NPAS3: variants seen among roughly 807,000 people sequenced by gnomAD.
NPAS3 encodes the protein neuronal PAS domain-containing protein 3.
A neutral mutation model predicts 73.1 loss-of-function variants in NPAS3; 14 were observed. That is an observed-to-expected ratio of 0.19 (90% CI 0.13 to 0.30). The LOEUF is 0.30. NPAS3 is among the 10% of genes least tolerant of loss of function. NPAS3 has a pLI of 1.00. For synonymous variants in NPAS3, 620 were observed against 541.5 expected (o/e 1.14, Z -2.01); for missense variants, 1,096 against 1,250.0 (o/e 0.88, Z 1.86).
At chr14:33,168,620 G>GT (rs1184977197) in intron 2 of NPAS3, among the ~76,000 whole-genome samples, 1 of 152,160 alleles carries the variant, frequency 6.6e-6, no homozygotes, top group East Asian at 1.9e-4. Flanking sequence ...TGTAGTTGGT[G>GT]TAGAGTTCCC....
At chr14:33,612,353 A>C (rs1413253449) in intron 5 of NPAS3, 2 of 454,072 alleles carry the variant, frequency 4.4e-6, no homozygotes, top group East Asian at 1.4e-4. Flanking sequence ...ATCATCGCCC[A>C]CATTCTGCTT....
upstream of NPAS3, among the ~76,000 whole-genome samples, chr14:32,938,613 G>A (rs1329412511): frequency 4.6e-5 from 7 of 151,488 alleles, no homozygotes; most frequent in African/African-American, 1.5e-4. Context: ...CAGCGGTCAA[G>A]CTGGAACCCC....
At chr14:33,802,530 G>C (rs960846728), downstream of NPAS3, 23 of 152,218 alleles carry the variant, frequency 1.5e-4, 1 homozygote, top group Admixed American at 1.4e-3. Flanking sequence ...GTTTGTTAAG[G>C]CATCTAATAA....
At chr14:33,102,859 C>T (rs2042616357) in intron 2 of NPAS3, among the ~76,000 whole-genome samples, 1 of 152,138 alleles carries the variant, frequency 6.6e-6, no homozygotes, top group Non-Finnish European at 1.5e-5. Flanking sequence ...CTGGTTCTGC[C>T]TCAAAAATCT....
chr14:33,360,841 C>G lies in NPAS3; in HGVS notation c.386-6345C>G, dbSNP rs565659196. On this transcript the variant is annotated intron_variant, in intron 3 of 11. Coordinates refer to ENST00000356141, the Ensembl canonical transcript of NPAS3. ...GAGGATTTCCCTCATGTACCCTACT[C>G]TCCACGCCTCGGCCCAGGCTGTGGA... is the stretch of plus-strand genomic sequence containing the variant. Among the ~76,000 whole-genome samples the G allele has an allele frequency of 7.9e-5, 12 of 152,302 alleles. No individual in the cohort carries two copies. In the South Asian group the frequency reaches 1.7e-3, roughly 21 times the overall value.
chr14:33,391,418 C>G (rs2138607706), intron 4 of NPAS3, among the ~76,000 whole-genome samples: 1 of 152,212 alleles, frequency 6.6e-6, no homozygotes, highest in South Asian at 2.1e-4. Flanking sequence ...GTCTTGAACT[C>G]CCTACCTCAG....
At chr14:33,140,301 T>A (rs912313024) in intron 2 of NPAS3, among the ~76,000 whole-genome samples, 5 of 152,178 alleles carry the variant, frequency 3.3e-5, no homozygotes, top group Non-Finnish European at 2.9e-5. Flanking sequence ...TGGATTGCAC[T>A]CTTGTTGACA....
chr14:32,938,735 G>C (rs1337789978), upstream of NPAS3, among the ~76,000 whole-genome samples: 1 of 150,484 alleles, frequency 6.6e-6, no homozygotes, highest in Non-Finnish European at 1.5e-5. Flanking sequence ...AAGGGGTGAC[G>C]GGGGACGGGG....
intron 5 of NPAS3, among the ~76,000 whole-genome samples, chr14:33,667,030 G>A (rs2059470395): frequency 6.6e-6 from 1 of 152,142 alleles, no homozygotes; most frequent in Admixed American, 6.5e-5. Context: ...GTAAAAACAA[G>A]TGAGAAGAAT....
At chr14:33,065,975 G>T (rs149929692) in intron 2 of NPAS3, among the ~76,000 whole-genome samples, 1 of 152,068 alleles carries the variant, frequency 6.6e-6, no homozygotes, top group East Asian at 1.9e-4. Flanking sequence ...AATTGAATGA[G>T]CATGGCTTGG....
intron 4 of NPAS3, among the ~76,000 whole-genome samples, chr14:33,444,700 A>G (rs913984040): frequency 5.3e-5 from 8 of 152,236 alleles, no homozygotes; most frequent in African/African-American, 1.9e-4. Flanking sequence ...CTGAGATCAC[A>G]TGATTTTTAT....
chr14:33,637,608 C>T (rs796548922), intron 5 of NPAS3, among the ~76,000 whole-genome samples: 3 of 152,112 alleles, frequency 2.0e-5, no homozygotes, highest in African/African-American at 7.2e-5. Flanking sequence ...ATTCTACAGG[C>T]GAGGCCACAT....
chr14:33,457,636 T>C (rs1300374188), intron 4 of NPAS3, among the ~76,000 whole-genome samples: 2 of 152,196 alleles, frequency 1.3e-5, no homozygotes, highest in Admixed American at 1.3e-4. Flanking sequence ...CATTCCTTCT[T>C]CTTTTAAGGC....
chr14:33,757,510 C>T (rs2062151290), intron 7 of NPAS3, among the ~76,000 whole-genome samples: 1 of 152,060 alleles, frequency 6.6e-6, no homozygotes, highest in South Asian at 2.1e-4. Flanking sequence ...CAGTAAAATG[C>T]AGGATGGACC....
At chr14:32,972,064 G>A (rs1447040608) in intron 1 of NPAS3, among the ~76,000 whole-genome samples, 2 of 148,450 alleles carry the variant, frequency 1.3e-5, no homozygotes, top group African/African-American at 2.5e-5. Flanking sequence ...TCAGCCTCCC[G>A]AGTAGCTGGG....
At chr14:33,461,620 G>C (rs945512289) in intron 4 of NPAS3, among the ~76,000 whole-genome samples, 1 of 152,180 alleles carries the variant, frequency 6.6e-6, no homozygotes, top group Non-Finnish European at 1.5e-5. Flanking sequence ...TATTCCCTAC[G>C]TGACTGTTAG....
intron 4 of NPAS3, among the ~76,000 whole-genome samples, chr14:33,448,052 G>A (rs1452124597): frequency 6.6e-6 from 1 of 152,208 alleles, no homozygotes; most frequent in Non-Finnish European, 1.5e-5. Context: ...TGGGTAGATA[G>A]TGATAATGAT....
intron 2 of NPAS3, among the ~76,000 whole-genome samples, chr14:33,168,095 G>T (rs977295967): frequency 6.6e-6 from 1 of 152,126 alleles, no homozygotes; most frequent in African/African-American, 2.4e-5. Flanking sequence ...GGCTCTCTGA[G>T]CATTTGGGAG....
intron 3 of NPAS3, among the ~76,000 whole-genome samples, chr14:33,357,913 C>T (rs2045413076): frequency 6.6e-6 from 1 of 152,188 alleles, no homozygotes. Context: ...CCTAATTTGT[C>T]TAAGACCACC....
Sources: gnomAD v4.1 joint callset for allele counts (sites outside exome capture counted in the v4.1 genomes callset) on GRCh38, gnomAD v4.1.1 for gene constraint, MANE v1.5 for transcripts, NCBI Gene and HGNC (gene_info 2026-07-23, HGNC 2026-07-21) for gene names.